CAPRIN2: variants seen among roughly 807,000 people sequenced by gnomAD.
CAPRIN2 encodes caprin family member 2, also known as caprin-2.
In CAPRIN2, 66 loss-of-function variants were observed where a neutral mutation model predicts 130.4. That is an observed-to-expected ratio of 0.51 (90% CI 0.42 to 0.62). The LOEUF is 0.62. CAPRIN2 is among the 20% of genes least tolerant of loss of function. The pLI, the probability that CAPRIN2 is intolerant of heterozygous loss-of-function variation, is 0.00. For synonymous variants in CAPRIN2, 471 were observed against 444.1 expected (o/e 1.06, Z -0.76); for missense variants, 1,185 against 1,246.6 (o/e 0.95, Z 0.74).
At chr12:30,731,358 A>G (rs1159654505) in exon 6 of CAPRIN2, 2 of 1,612,384 alleles carry the variant, frequency 1.2e-6, no homozygotes, top group Admixed American at 3.3e-5. Flanking sequence ...TCTTTGACAG[A>G]TTCAGTCTTC....
intron 7 of CAPRIN2, 102 bp from the exon 9 acceptor site, chr12:30,729,427 T>G: frequency 1.4e-6 from 1 of 734,144 alleles, no homozygotes; most frequent in Admixed American, 3.4e-5. Context: ...TCTAAGTTGT[T>G]GCACTAATAT....
At position 30,716,489 on chromosome 12, in the gene CAPRIN2, TC is replaced by T. The variant is rs1159311783; in HGVS notation, c.2317+18del. 1 of 1,609,674 alleles carries T rather than the reference TC, an allele frequency of 6.2e-7. No individual in the cohort carries two copies. The highest frequency in any genetic ancestry group is 8.5e-7 in the Non-Finnish European group (1 of 1,176,632). ...GCTGTCCCTCTAAGTCTTCCAAATA[TC>T]ATATGCAAAGATCTTACCAGTCTCT... is the stretch of plus-strand genomic sequence containing the variant. On this transcript the variant is annotated intron_variant, in intron 13 of 16. Coordinates refer to ENST00000298892, the Ensembl canonical transcript of CAPRIN2.
At position 30,751,264 on chromosome 12, in the gene CAPRIN2, A is replaced by T. The variant is rs2073709982; in HGVS notation, c.421-131T>A. 4 of 711,970 alleles carry T rather than the reference A, an allele frequency of 5.6e-6. No homozygotes were observed. In the South Asian group the frequency reaches 6.3e-5, roughly 11 times the overall value. The allele number at this position is 711,970 out of a possible 1,614,324, so 44.1% of individuals were successfully genotyped here. The stretch of plus-strand genomic sequence containing the variant: ...TATCAATCTGCAAGACTATCATTTT[A>T]CTATACGGCATGCAGCAACTGTAGA... On this transcript the variant is annotated intron_variant, in intron 1 of 16. Coordinates refer to ENST00000298892, the Ensembl canonical transcript of CAPRIN2.
exon 5 of CAPRIN2, chr12:30,733,633 C>T: frequency 1.9e-6 from 3 of 1,608,656 alleles, no homozygotes; most frequent in Non-Finnish European, 2.6e-6. Flanking sequence ...ACTCACATGT[C>T]GTTCCTACCA....
Position 30,719,021 on chromosome 12 carries a change from A to G in CAPRIN2, c.2148+1790T>C, listed in dbSNP as rs2058536104. On this transcript the variant is annotated intron_variant, in intron 12 of 16. Coordinates refer to ENST00000298892, the Ensembl canonical transcript of CAPRIN2. ...TAGTATCCAATAATTATGTAAGAGA[A>G]ACAATGGCTTTTAACAGGAATAATG... is the stretch of plus-strand genomic sequence containing the variant. 2.6e-6 allele frequency: 4 copies of G among 1,547,638 alleles called. No individual in the cohort carries two copies. In the East Asian group the frequency reaches 9.2e-5, roughly 36 times the overall value.
At chr12:30,718,350 G>T (rs575567776) in intron 12 of CAPRIN2, among the ~76,000 whole-genome samples, 1 of 152,096 alleles carries the variant, frequency 6.6e-6, no homozygotes, top group African/African-American at 2.4e-5. Context: ...CTCACCAGCC[G>T]ATCTCCCGGG....
At chr12:30,728,529 T>G (rs2061601464) in intron 8 of CAPRIN2, 119 bp downstream of exon 9, 2 of 787,856 alleles carry the variant, frequency 2.5e-6, no homozygotes, top group African/African-American at 3.8e-5. Context: ...CACTCCAGCC[T>G]GGGTAACAGA....
chr12:30,736,785 C>G (rs1360674827), intron 3 of CAPRIN2, among the ~76,000 whole-genome samples: 2 of 152,158 alleles, frequency 1.3e-5, no homozygotes, highest in African/African-American at 4.8e-5. Flanking sequence ...ATTCTCTGAT[C>G]CTGCTTGAGA....
chr12:30,724,509 T>C (rs1202715355), intron 9 of CAPRIN2, 58 bp from the exon 11 acceptor site: 1 of 1,135,686 alleles, frequency 8.8e-7, no homozygotes, highest in Non-Finnish European at 1.3e-6. Flanking sequence ...TAAAAGCTAT[T>C]ACCATTGAAT....
intron 3 of CAPRIN2, among the ~76,000 whole-genome samples, chr12:30,736,394 AT>A (rs2064814114): frequency 2.9e-5 from 4 of 136,670 alleles, no homozygotes; most frequent in Non-Finnish European, 3.1e-5. Context: ...GAAGATTAAA[AT>A]ACAAAAAAAA....
In CAPRIN2 at chr12:30,710,638, GT is replaced by G; in HGVS notation, c.2666-169del. The G allele has an allele frequency of 2.0e-6, 2 of 990,828 alleles. No individual in the cohort carries two copies. The highest frequency in any genetic ancestry group is 2.9e-6 in the Non-Finnish European group (2 of 695,354). 61.4% of individuals were successfully genotyped at this position (990,828 alleles called of 1,614,324 possible). ...CTTTTCTAGATTTTTCTGGTAATAG[GT>G]TTTTACATACTCTTCTAAAGCCAGA... On this transcript the variant is annotated intron_variant, in intron 16 of 16. Coordinates refer to ENST00000298892, the Ensembl canonical transcript of CAPRIN2. The surrounding 1 kb of genome is among the most constrained non-coding windows in gnomAD (Gnocchi z 4.8).
intron 1 of CAPRIN2, 144 bp from the exon 3 acceptor site, chr12:30,751,277 C>T (rs1348532269): frequency 1.4e-5 from 9 of 662,268 alleles, no homozygotes; most frequent in Non-Finnish European, 2.2e-5. Flanking sequence ...ATACGGCATG[C>T]AGCAACTGTA....
At chr12:30,720,128 T>A (rs2058937042) in intron 12 of CAPRIN2, 2 of 152,282 alleles carry the variant, frequency 1.3e-5, no homozygotes, top group East Asian at 3.9e-4. Flanking sequence ...TATCACTTTG[T>A]CACCCAGGCT....
intron 4 of CAPRIN2, among the ~76,000 whole-genome samples, chr12:30,734,440 GC>G (rs1386238237): frequency 6.6e-6 from 1 of 152,108 alleles, no homozygotes; most frequent in Non-Finnish European, 1.5e-5. Flanking sequence ...AAATCAGACA[GC>G]CCCAGTTTGC....
intron 3 of CAPRIN2, 102 bp downstream of exon 4, chr12:30,740,918 G>T (rs1425056758): frequency 1.5e-5 from 10 of 677,762 alleles, no homozygotes; most frequent in Admixed American, 5.4e-5. Context: ...GAAATTAGAA[G>T]AATAATAACC....
At chr12:30,729,630 C>T (rs188996954) in intron 7 of CAPRIN2, among the ~76,000 whole-genome samples, 9 of 152,306 alleles carry the variant, frequency 5.9e-5, no homozygotes, top group Non-Finnish European at 1.0e-4. Flanking sequence ...AAGGCTGTTC[C>T]GCCTTTGCCA....
Position 30,750,945 on chromosome 12 carries a change from T to C in CAPRIN2, c.483+126A>G. 5.4e-6 allele frequency: 4 copies of C among 739,112 alleles called. No individual in the cohort carries two copies. The South Asian group carries it at 6.6e-5, about 12-fold the overall frequency. The allele number at this position is 739,112 out of a possible 1,614,324, so 45.8% of individuals were successfully genotyped here. A position where few individuals can be genotyped will look rare whatever the true frequency, so the allele number is the denominator to read the frequency against. ...CAAACAACAAAGTCTTCTGAAACAG[T>C]TTTGAACAAACTATGGATTTTAACT... On this transcript the variant is annotated intron_variant, in intron 2 of 16. Transcript: ENST00000298892.
chr12:30,752,348 T>C (rs929292462), intron 1 of CAPRIN2, among the ~76,000 whole-genome samples: 3 of 152,102 alleles, frequency 2.0e-5, no homozygotes, highest in African/African-American at 4.8e-5. Context: ...AGAGGTACTA[T>C]AGGTAAGCTA....
At chr12:30,719,030 T>C (rs2136882175) in intron 12 of CAPRIN2, 49 bp downstream of exon 14, 1 of 1,567,052 alleles carries the variant, frequency 6.4e-7, no homozygotes, top group Non-Finnish European at 8.7e-7. Context: ...AAACAATGGC[T>C]TTTAACAGGA....
Sources: allele counts gnomAD v4.1 joint callset (sites outside exome capture counted in the v4.1 genomes callset), GRCh38; gene constraint gnomAD v4.1.1; non-coding constraint Gnocchi (gnomAD v3.1); transcripts MANE v1.5; gene names NCBI Gene and HGNC (gene_info 2026-07-23, HGNC 2026-07-21).